The following SLC28A1 variants were observed in gnomAD, a reference collection of about 807,000 sequenced individuals.
SLC28A1 encodes solute carrier family 28 member 1, also known as sodium/nucleoside cotransporter 1.
A neutral mutation model predicts 74.8 loss-of-function variants in SLC28A1; 64 were observed. The observed-to-expected ratio is 0.86, with a 90% CI of 0.70 to 1.05. The LOEUF is 1.05. Ranked by LOEUF, SLC28A1 falls within the 50% of genes least tolerant of loss-of-function variation. The pLI, the probability that SLC28A1 is intolerant of heterozygous loss-of-function variation, is 0.00. For synonymous variants in SLC28A1, 359 were observed against 335.0 expected (o/e 1.07, Z -0.78); for missense variants, 828 against 822.8 (o/e 1.01, Z -0.08).
chr15:84,890,615 C>A, intron 5 of SLC28A1, 81 bp downstream of exon 5: 1 of 1,125,410 alleles, frequency 8.9e-7, no homozygotes, highest in Non-Finnish European at 1.3e-6. Flanking sequence ...GTCATTCACT[C>A]ACCCAGTCAT....
downstream of SLC28A1, among the ~76,000 whole-genome samples, chr15:84,946,604 G>T (rs2079240230): frequency 1.3e-5 from 2 of 152,100 alleles, no homozygotes; most frequent in Non-Finnish European, 2.9e-5. Flanking sequence ...CATCTGAGGG[G>T]AGCCCCTCCT....
intron 12 of SLC28A1, among the ~76,000 whole-genome samples, chr15:84,928,598 CTT>C (rs1397980089): frequency 1.4e-4 from 2 of 13,890 alleles, no homozygotes; most frequent in Non-Finnish European, 2.5e-4. Flanking sequence ...TTCTTTCTTT[CTT>C]TCTTTTCTTT....
chr15:84,950,245 A>G (rs1306542973), downstream of SLC28A1, among the ~76,000 whole-genome samples: 1 of 152,216 alleles, frequency 6.6e-6, no homozygotes, highest in East Asian at 1.9e-4. Flanking sequence ...ATGAGTGAAT[A>G]GCAAGGATCT....
chr15:84,915,899 CA>C (rs1969009997), intron 9 of SLC28A1, among the ~76,000 whole-genome samples: 2 of 152,210 alleles, frequency 1.3e-5, no homozygotes, highest in African/African-American at 4.8e-5. Flanking sequence ...GCTATTTCTG[CA>C]GTGAATTGCA....
At chr15:84,974,766 A>G in the SLC28A1 span, among the ~76,000 whole-genome samples, 1 of 152,154 alleles carries the variant, frequency 6.6e-6, no homozygotes, top group Admixed American at 6.5e-5. Context: ...GATGCAGGAG[A>G]CAGTGTGGAA....
chr15:84,890,646 A>C, intron 5 of SLC28A1, 112 bp downstream of exon 5: 1 of 899,794 alleles, frequency 1.1e-6, no homozygotes, highest in Non-Finnish European at 1.8e-6. Flanking sequence ...GTTGTTGAGC[A>C]CCAACTCAGG....
chr15:84,941,010 A>G, intron 15 of SLC28A1: 1 of 153,126 alleles, frequency 6.5e-6, no homozygotes. Flanking sequence ...ACTTCTTTGA[A>G]AGCTCTGAGG....
intron 9 of SLC28A1, among the ~76,000 whole-genome samples, chr15:84,917,979 G>C (rs1170981850): frequency 1.3e-5 from 2 of 152,140 alleles, no homozygotes; most frequent in African/African-American, 4.8e-5. Context: ...GGTGATGGGA[G>C]GAGATGCTGG....
chr15:84,920,871 G>T, intron 10 of SLC28A1, 118 bp from the exon 11 acceptor site: 1 of 799,764 alleles, frequency 1.3e-6, no homozygotes. Flanking sequence ...TGTAGATGAA[G>T]GGGTCCTACA....
At chr15:84,904,529 A>G (rs547835047) in intron 7 of SLC28A1, among the ~76,000 whole-genome samples, 62 of 152,278 alleles carry the variant, frequency 4.1e-4, no homozygotes, top group African/African-American at 1.5e-3. Flanking sequence ...AGGCTCAGGA[A>G]CCACCTCCAC....
chr15:84,974,912 C>T, the SLC28A1 span, among the ~76,000 whole-genome samples: 1 of 152,130 alleles, frequency 6.6e-6, no homozygotes, highest in Non-Finnish European at 1.5e-5. Flanking sequence ...ATTTCCCATA[C>T]CAGGAGTCAG....
chr15:84,956,784 C>T, the SLC28A1 span, among the ~76,000 whole-genome samples: 16 of 151,606 alleles, frequency 1.1e-4, no homozygotes, highest in South Asian at 1.0e-3. Flanking sequence ...GGATTACAGA[C>T]GTGAGCTACT....
intron 15 of SLC28A1, chr15:84,938,337 A>G (rs1054647447): frequency 6.7e-6 from 1 of 149,156 alleles, no homozygotes; most frequent in Non-Finnish European, 1.5e-5. Context: ...TTTCTTATTT[A>G]TTTTGAATTT....
In SLC28A1 at chr15:84,905,670, G is replaced by T. The variant is rs1037769756; in HGVS notation, c.717+18G>T. The T allele has an allele frequency of 6.4e-7, 1 of 1,559,608 alleles. No individual in the cohort carries two copies. Among genetic ancestry groups the T allele is most frequent in the Non-Finnish European group, 8.8e-7 (1 of 1,130,714 alleles). On this transcript the variant is annotated intron_variant, in intron 8 of 18. Transcript: ENST00000394573. ...AGATCCGGGTAGGTATGTGGGGTCT[G>T]GCTGCCCAGAGCATCTTAGATTACT...
At chr15:84,886,581 C>T in intron 1 of SLC28A1, 91 bp from the exon 2 acceptor site, 1 of 985,516 alleles carries the variant, frequency 1.0e-6, no homozygotes. Context: ...GTGTTGGGGT[C>T]CCCACCCTGG....
At chr15:84,894,523 T>G (rs970313402) in intron 5 of SLC28A1, among the ~76,000 whole-genome samples, 1 of 152,172 alleles carries the variant, frequency 6.6e-6, no homozygotes, top group African/African-American at 2.4e-5. Context: ...GATGAACATT[T>G]CAGAACGCAG....
chr15:84,885,966 G>C (rs965113492), intron 1 of SLC28A1: 15 of 189,644 alleles, frequency 7.9e-5, no homozygotes, highest in Non-Finnish European at 1.5e-4. Context: ...ACAACCAGGA[G>C]GTGCCGGTAC....
chr15:84,902,294 A>G (rs1000261525), intron 6 of SLC28A1, among the ~76,000 whole-genome samples: 1 of 152,198 alleles, frequency 6.6e-6, no homozygotes, highest in Admixed American at 6.5e-5. Flanking sequence ...AGCCTGGCCA[A>G]CATGGTGAAA....
chr15:84,934,960 T>C, intron 13 of SLC28A1, 66 bp from the exon 14 acceptor site: 1 of 1,390,956 alleles, frequency 7.2e-7, no homozygotes, highest in Non-Finnish European at 1.0e-6. Flanking sequence ...TTTGAGCCTA[T>C]AGGATAGGGA....
Sources: gnomAD v4.1 joint callset for allele counts (sites outside exome capture counted in the v4.1 genomes callset) on GRCh38, gnomAD v4.1.1 for gene constraint, MANE v1.5 for transcripts, NCBI Gene and HGNC (gene_info 2026-07-23, HGNC 2026-07-21) for gene names.